CHN2: variants seen among roughly 807,000 people sequenced by gnomAD.
CHN2 encodes the protein chimerin 2.
In CHN2, 35 loss-of-function variants were observed where a neutral mutation model predicts 56.3. The ratio of observed to expected loss-of-function variants is 0.62; its 90% CI spans 0.47 to 0.82. The LOEUF is 0.82. CHN2 is among the 40% of genes least tolerant of loss of function. CHN2 has a pLI of 0.00. For missense variants in CHN2, 491 were observed against 580.5 expected, an observed-to-expected ratio of 0.85 and a Z score of 1.58; for synonymous variants, 210 against 212.8, an observed-to-expected ratio of 0.99 and a Z score of 0.12.
intron 1 of CHN2, among the ~76,000 whole-genome samples, chr7:29,310,508 A>G (rs1241809205): frequency 1.3e-5 from 2 of 152,238 alleles, no homozygotes; most frequent in East Asian, 1.9e-4. Flanking sequence ...TTAGTGCCCA[A>G]CGGTAGTTCC....
At chr7:29,147,350 C>G (rs535726856) in intron 2 of CHN2, 49 of 179,692 alleles carry the variant, frequency 2.7e-4, no homozygotes, top group Non-Finnish European at 5.1e-4. Context: ...CTCCTCACAG[C>G]TAGCTGCAGG....
rs148747117 is a variant in CHN2, at chr7:29,399,788, G to A, written c.291-755G>A. On this transcript the variant is annotated intron_variant, in intron 5 of 12. Coordinates refer to ENST00000222792, the MANE Select transcript of CHN2 (RefSeq NM_004067.4). ...TCTTAAATAATGTAATTATGAGGAC[G>A]AACTTAAAAAGCTATTATATCATGC... Among the ~76,000 whole-genome samples the A allele has an allele frequency of 1.1e-3, 163 of 152,250 alleles. 1 individual carries two copies. Among genetic ancestry groups the A allele is most frequent in the African/African-American group, 3.7e-3 (152 of 41,536 alleles).
chr7:29,160,664 G>A (rs1795051226), intron 2 of CHN2, among the ~76,000 whole-genome samples: 1 of 152,160 alleles, frequency 6.6e-6, no homozygotes, highest in Non-Finnish European at 1.5e-5. Flanking sequence ...GTGGTGTGTT[G>A]TGAAAACGTG....
chr7:29,260,360 C>A (rs1251190609), intron 1 of CHN2, among the ~76,000 whole-genome samples: 2 of 152,128 alleles, frequency 1.3e-5, no homozygotes, highest in Non-Finnish European at 2.9e-5. Flanking sequence ...TTATAAAATT[C>A]TTTGTAAAGT....
rs1024251049 is a variant in CHN2, at chr7:29,233,894, C to T, written c.49+38904C>T. ...TGTCGCCCAGGCTGGAGTGCAGTGG[C>T]GGGATCTCGGCTCACTGCAAGCTCC... On this transcript the variant is annotated intron_variant, in intron 1 of 12. Transcript: ENST00000222792. Among the ~76,000 whole-genome samples the T allele has an allele frequency of 1.2e-3, 131 of 111,218 alleles. 1 individual carries two copies. Among genetic ancestry groups the T allele is most frequent in the African/African-American group, 4.5e-3 (129 of 28,826 alleles). The allele number at this position is 111,218 out of a possible 152,430, so 73.0% of individuals were successfully genotyped here.
intron 3 of CHN2, among the ~76,000 whole-genome samples, chr7:29,392,950 A>G (rs61696690): frequency 0.019 from 2,830 of 152,374 alleles, 101 homozygotes; most frequent in African/African-American, 0.064. Context: ...AAGGCCGAGC[A>G]TGAGAAATCA....
intron 1 of CHN2, among the ~76,000 whole-genome samples, chr7:29,284,994 A>G (rs570170725): frequency 3.9e-5 from 6 of 152,298 alleles, no homozygotes; most frequent in African/African-American, 1.4e-4. Flanking sequence ...TGTTTAATCA[A>G]ACTTTTCCTT....
chr7:29,410,157 G>A (rs1803065047), intron 6 of CHN2, among the ~76,000 whole-genome samples: 1 of 152,156 alleles, frequency 6.6e-6, no homozygotes, highest in Non-Finnish European at 1.5e-5. Flanking sequence ...TTAATCATGG[G>A]ACTTTTAAAT....
chr7:29,480,187 G>C, intron 6 of CHN2, 92 bp from the exon 7 acceptor site: 1 of 1,610,502 alleles, frequency 6.2e-7, no homozygotes, highest in Non-Finnish European at 8.5e-7. Context: ...GGCAGGAAAC[G>C]CCAAGAACTG....
At chr7:29,469,407 A>T (rs1463618562) in intron 6 of CHN2, among the ~76,000 whole-genome samples, 1 of 152,224 alleles carries the variant, frequency 6.6e-6, no homozygotes, top group Non-Finnish European at 1.5e-5. Flanking sequence ...AGTACTCTGC[A>T]GTGGCTGCTC....
At chr7:29,363,876 G>A (rs1798931029) in intron 2 of CHN2, among the ~76,000 whole-genome samples, 2 of 152,096 alleles carry the variant, frequency 1.3e-5, no homozygotes, top group Non-Finnish European at 2.9e-5. Flanking sequence ...AGGCATGGGA[G>A]ATATAAACCA....
chr7:29,269,732 G>A (rs1263825333), intron 1 of CHN2, among the ~76,000 whole-genome samples: 1 of 152,186 alleles, frequency 6.6e-6, no homozygotes, highest in Non-Finnish European at 1.5e-5. Flanking sequence ...CATAAGAGGA[G>A]GAAGGATCAT....
chr7:29,293,700 CCATT>C (rs752394296), intron 1 of CHN2, among the ~76,000 whole-genome samples: 4 of 152,112 alleles, frequency 2.6e-5, no homozygotes, highest in Non-Finnish European at 5.9e-5. Context: ...GTCCCTCTGT[CCATT>C]CAAGCACGTA....
At chr7:29,346,370 A>C (rs564045521) in intron 1 of CHN2, among the ~76,000 whole-genome samples, 1 of 152,010 alleles carries the variant, frequency 6.6e-6, no homozygotes, top group African/African-American at 2.4e-5. Flanking sequence ...TTCTGGGCCC[A>C]TTAAGCTAAT....
At position 29,194,914 on chromosome 7, in the gene CHN2, C is replaced by A; in HGVS notation, c.-28C>A. 2.0e-6 allele frequency: 3 copies of A among 1,536,542 alleles called. No homozygotes were observed. Among genetic ancestry groups the A allele is most frequent in the Non-Finnish European group, 2.6e-6 (3 of 1,146,506 alleles). On this transcript the variant is annotated 5_prime_UTR_variant, in exon 1 of 13. Coordinates refer to ENST00000222792, the MANE Select transcript of CHN2 (RefSeq NM_004067.4). ...CGGCGGCGTCCGCACCGGGGCTGAG[C>A]GAGCAGCGACGCGAGGGGCGCGCGG...
At chr7:29,360,971 C>T (rs543617345) in intron 2 of CHN2, among the ~76,000 whole-genome samples, 14 of 152,228 alleles carry the variant, frequency 9.2e-5, no homozygotes, top group African/African-American at 3.1e-4. Flanking sequence ...GGGAGCTCCA[C>T]CTCCGTGTTC....
At position 29,199,146 on chromosome 7, in the gene CHN2, T is replaced by G. The variant is rs561008799; in HGVS notation, c.49+4156T>G. 3.0e-3 allele frequency among the ~76,000 whole-genome samples: 452 copies of G among 152,358 alleles called. 2 individuals carry two copies. The highest frequency in any genetic ancestry group is 0.01 in the African/African-American group (436 of 41,582). ...ATGCTGTTTTCTGCTATCACACTGA[T>G]GTTGATGTAGAAATGATAAATAGGA... On this transcript the variant is annotated intron_variant, in intron 1 of 12. Coordinates refer to ENST00000222792, the MANE Select transcript of CHN2 (RefSeq NM_004067.4).
chr7:29,150,449 C>T (rs932087267), intron 2 of CHN2, among the ~76,000 whole-genome samples: 2 of 152,126 alleles, frequency 1.3e-5, no homozygotes, highest in Non-Finnish European at 2.9e-5. Context: ...CTATCCAAGA[C>T]AACTAAATTG....
At chr7:29,242,694 A>T (rs1357203841) in intron 1 of CHN2, among the ~76,000 whole-genome samples, 1 of 147,894 alleles carries the variant, frequency 6.8e-6, no homozygotes, top group Non-Finnish European at 1.5e-5. Flanking sequence ...ACAAGTTTAA[A>T]TGCTAAAATC....
Sources: gnomAD v4.1 joint callset for allele counts (sites outside exome capture counted in the v4.1 genomes callset) on GRCh38, gnomAD v4.1.1 for gene constraint, MANE v1.5 for transcripts, NCBI Gene and HGNC (gene_info 2026-07-23, HGNC 2026-07-21) for gene names.